The following ABCA6 variants were observed in gnomAD, a reference collection of about 807,000 sequenced individuals.
ABCA6 encodes the protein ATP-binding cassette sub-family A member 6.
ABCA6 carries 164 observed loss-of-function variants against 191.2 expected under a neutral mutation model. The observed-to-expected ratio is 0.86, with a 90% CI of 0.76 to 0.98. The LOEUF (loss-of-function observed/expected upper bound fraction) is 0.98. Ranked by LOEUF, ABCA6 falls within the 50% of genes least tolerant of loss-of-function variation. The probability of loss-of-function intolerance (pLI) is 0.00; values close to 1 mark genes in which losing one functional copy is unlikely to be tolerated. For missense variants in ABCA6, 1,958 were observed against 1,894.1 expected (o/e 1.03, Z -0.63); for synonymous variants, 636 against 647.7 (o/e 0.98, Z 0.27).
Position 69,089,537 on chromosome 17 carries a change from G to A in ABCA6, c.3534C>T (p.Asp1178=), listed in dbSNP as rs1568000066. The change falls in exon 27 of 39, where the codon GAC becomes GAT. Residue 1178 remains aspartate, a synonymous_variant. Transcript: ENST00000284425. ...LGFKTFLEVR[D]QEHYREFPEA... The stretch of plus-strand genomic sequence containing the variant: ...CTGGAAATTCTCTGTAGTGCTCCTG[G>A]TCTCTCTGAAAAGACAAAACAAAAC... 2 of 1,612,608 alleles carry A rather than the reference G, an allele frequency of 1.2e-6. No homozygotes were observed. Among genetic ancestry groups the A allele is most frequent in the Non-Finnish European group, 1.7e-6 (2 of 1,179,554 alleles).
At chr17:69,126,775 G>T (rs1018063568) in intron 8 of ABCA6, among the ~76,000 whole-genome samples, 1 of 152,130 alleles carries the variant, frequency 6.6e-6, no homozygotes, top group Non-Finnish European at 1.5e-5. Context: ...TAATTCAACT[G>T]CATCACACTC....
chr17:69,087,283 G>C, intron 29 of ABCA6, 70 bp downstream of exon 29: 1 of 1,568,024 alleles, frequency 6.4e-7, no homozygotes, highest in Non-Finnish European at 8.6e-7. Context: ...GAAACCCAGT[G>C]TATCAAATCC....
chr17:69,140,672 TGCTGATACAC>T lies in ABCA6; in HGVS notation c.22_31del (p.Val8LysfsTer16). ...ATTCTTGCACAGAAGTGCTTTGGTT[TGCTGATACAC>T]GCTTTTCTGTTTCATATTCATTTAG... is the stretch of plus-strand genomic sequence containing the variant. On this transcript the variant is annotated frameshift_variant, in exon 2 of 39. Coordinates refer to ENST00000284425, the MANE Select transcript of ABCA6 (RefSeq NM_080284.3). LOFTEE classifies it high-confidence loss of function. 6.2e-7 allele frequency: 1 copy of T among 1,601,788 alleles called. No individual in the cohort carries two copies. The highest frequency in any genetic ancestry group is 8.5e-7 in the Non-Finnish European group (1 of 1,174,462).
intron 22 of ABCA6, among the ~76,000 whole-genome samples, chr17:69,099,271 A>C (rs1206874250): frequency 1.3e-5 from 2 of 151,982 alleles, no homozygotes; most frequent in Non-Finnish European, 2.9e-5. Context: ...TAATTCCACA[A>C]TTATTTAACT....
chr17:69,107,034 C>T (rs1380036747), intron 18 of ABCA6, among the ~76,000 whole-genome samples: 1 of 152,062 alleles, frequency 6.6e-6, no homozygotes, highest in Admixed American at 6.5e-5. Context: ...AGGTATCAAT[C>T]ATTTAGTAGT....
In ABCA6 at chr17:69,140,605, T is replaced by G; in HGVS notation, c.96+3A>C. 1 of 1,587,332 alleles carries G rather than the reference T, an allele frequency of 6.3e-7. No individual in the cohort carries two copies. The stretch of plus-strand genomic sequence containing the variant: ...GTGGAAAGAGACAAATTTTTAAACA[T>G]ACCAATAAGCTCTCTCTTTTCATCC... On this transcript the variant is annotated splice_donor_region_variant and intron_variant, in intron 2 of 38. Transcript: ENST00000284425.
chr17:69,084,141 TA>T, intron 34 of ABCA6, 119 bp downstream of exon 34: 1 of 821,912 alleles, frequency 1.2e-6, no homozygotes, highest in Non-Finnish European at 1.9e-6. Context: ...CCTGATAATA[TA>T]AATTATTTCC....
rs778488897 is a variant in ABCA6 at position 69,100,801 on chromosome 17, G to T, written c.3008C>A (p.Pro1003His). The change falls in exon 22 of 39, where the codon CCT becomes CAT. Residue 1003 changes from proline (P) to histidine (H), a missense_variant. Coordinates refer to ENST00000284425, the MANE Select transcript of ABCA6 (RefSeq NM_080284.3). The part of the protein sequence containing the change: ...QHIRIESSPF[P>H]LSHIGLWTGL... ...CTCAGTAAATCCAATACTTACAAGA[G>T]GAAATGGGCTTGACTCAATTCGAAT... 4 of 1,607,508 alleles carry T rather than the reference G, an allele frequency of 2.5e-6. No individual in the cohort carries two copies. The South Asian group carries it at 4.5e-5, about 18-fold the overall frequency.
In ABCA6 at chr17:69,082,324, CACAA is replaced by C. The variant is rs1429852890; in HGVS notation, c.4616+545_4616+548del. Among the ~76,000 whole-genome samples, 15 of 89,054 alleles carry C rather than the reference CACAA, an allele frequency of 1.7e-4. 1 individual carries two copies. The South Asian group carries it at 4.7e-3, about 28-fold the overall frequency. 58.4% of individuals were successfully genotyped at this position (89,054 alleles called of 152,430 possible). ...CTCCCCCAAATAACATACAGACATA[CACAA>C]ACACACACACACACACACACACACA... is the stretch of plus-strand genomic sequence containing the variant. On this transcript the variant is annotated intron_variant, in intron 36 of 38. Coordinates refer to ENST00000284425, the MANE Select transcript of ABCA6 (RefSeq NM_080284.3).
chr17:69,079,058 G>A lies in ABCA6; in HGVS notation c.4769C>T (p.Ser1590Phe). ...AAAATTTCCTACTTCCTGTTCTTTA[G>A]AAAGCTCTAAGAATACCTAATTAGG... is the stretch of plus-strand genomic sequence containing the variant. ...CTLEKVFLEL[S>F]KEQEVGNFDE... is the part of the protein sequence containing the mutation. The change falls in exon 39 of 39, where the codon TCT becomes TTT. Residue 1590 changes from serine to phenylalanine, a missense_variant. Physicochemically the swap from Ser to Phe is radical, Grantham distance 155. Coordinates refer to ENST00000284425, the MANE Select transcript of ABCA6 (RefSeq NM_080284.3). 1.9e-6 allele frequency: 3 copies of A among 1,609,248 alleles called. No homozygotes were observed. The highest frequency in any genetic ancestry group is 2.5e-6 in the Non-Finnish European group (3 of 1,176,562).
intron 6 of ABCA6, among the ~76,000 whole-genome samples, chr17:69,130,271 C>T: frequency 6.6e-6 from 1 of 151,408 alleles, no homozygotes; most frequent in Non-Finnish European, 1.5e-5. Context: ...GAGCTGTGAT[C>T]ATGCCACTGC....
chr17:69,086,568 G>T (rs755349925), intron 30 of ABCA6, 50 bp downstream of exon 30: 25 of 1,252,668 alleles, frequency 2.0e-5, no homozygotes, highest in Non-Finnish European at 2.6e-5. Context: ...TAGATGTTCG[G>T]TAGGTAGTTC....
chr17:69,136,777 T>G (rs548801698), intron 3 of ABCA6, among the ~76,000 whole-genome samples: 50 of 152,302 alleles, frequency 3.3e-4, no homozygotes, highest in African/African-American at 1.2e-3. Context: ...ATTTTGCTTA[T>G]TTTGGTTACA....
chr17:69,085,791 CT>C, intron 30 of ABCA6, 75 bp from the exon 31 acceptor site: 8 of 1,056,620 alleles, frequency 7.6e-6, no homozygotes, highest in South Asian at 1.4e-5. Context: ...CCAGTGAAAT[CT>C]TCTGAGATTT....
chr17:69,118,082 C>T, intron 10 of ABCA6, 126 bp from the exon 11 acceptor site: 1 of 574,522 alleles, frequency 1.7e-6, no homozygotes, highest in South Asian at 2.9e-5. Context: ...ATGGCATAAA[C>T]AGTCTATTCA....
chr17:69,089,429 A>G (rs2144621022), intron 27 of ABCA6, 36 bp downstream of exon 27: 1 of 1,582,592 alleles, frequency 6.3e-7, no homozygotes, highest in East Asian at 2.2e-5. Context: ...ACAGTCATCC[A>G]AAAGAATGTG....
intron 14 of ABCA6, 37 bp downstream of exon 14, chr17:69,113,581 T>C: frequency 3.7e-6 from 6 of 1,612,350 alleles, no homozygotes; most frequent in Non-Finnish European, 5.1e-6. Flanking sequence ...TTGCAGACAT[T>C]CGACCTGCTT....
At chr17:69,115,693 T>C (rs2073525126) in intron 11 of ABCA6, 1 of 384,588 alleles carries the variant, frequency 2.6e-6, no homozygotes, top group Admixed American at 4.2e-5. Flanking sequence ...AATATGTTAC[T>C]GGTGCAGGAT....
Position 69,078,952 on chromosome 17 carries a change from A to C in ABCA6, c.*21T>G, listed in dbSNP as rs1304433964. On this transcript the variant is annotated 3_prime_UTR_variant, in exon 39 of 39. Coordinates refer to ENST00000284425, the MANE Select transcript of ABCA6 (RefSeq NM_080284.3). ...ACATGAGTTTATAGGAGATCAACAA[A>C]AAATTACTAGGTTTGAGGTTTTAAG... The C allele has an allele frequency of 6.6e-7, 1 of 1,524,020 alleles. No individual in the cohort carries two copies. The highest frequency in any genetic ancestry group is 9.0e-7 in the Non-Finnish European group (1 of 1,116,374). The allele number at this position is 1,524,020 out of a possible 1,614,324, so 94.4% of individuals were successfully genotyped here.
Sources: allele counts gnomAD v4.1 joint callset (sites outside exome capture counted in the v4.1 genomes callset), GRCh38; gene constraint gnomAD v4.1.1; transcripts MANE v1.5; gene names NCBI Gene and HGNC (gene_info 2026-07-23, HGNC 2026-07-21).